SKI: variants seen among roughly 807,000 people sequenced by gnomAD.
The protein encoded by SKI is ski oncogene.
Under a neutral mutation model 59.3 loss-of-function variants are expected in SKI, and 23 were observed. That is an observed-to-expected ratio of 0.39 (90% CI 0.28 to 0.55). The LOEUF is 0.55. Among genes scored for constraint, SKI ranks in the 20% least tolerant of loss-of-function variants. The pLI is 0.67. For synonymous variants in SKI, 673 were observed against 488.6 expected, an observed-to-expected ratio of 1.38 and a Z score of -4.98; for missense variants, 1,017 against 1,038.9, an observed-to-expected ratio of 0.98 and a Z score of 0.29.
chr1:2,261,269 T>C (rs1217351111), intron 1 of SKI, among the ~76,000 whole-genome samples: 1 of 152,238 alleles, frequency 6.6e-6, no homozygotes, highest in African/African-American at 2.4e-5. Context: ...TTCGGGATCT[T>C]CCACTTTTCC....
intron 1 of SKI, among the ~76,000 whole-genome samples, chr1:2,242,568 G>A (rs375174916): frequency 3.3e-5 from 5 of 152,176 alleles, no homozygotes; most frequent in Admixed American, 2.0e-4. Flanking sequence ...CATCTGTGTT[G>A]GAGTGCAGTG....
At position 2,228,990 on chromosome 1, in the gene SKI, A is replaced by C. The variant is rs374862468; in HGVS notation, c.224A>C (p.His75Pro). The C allele has an allele frequency of 6.5e-7, 1 of 1,546,468 alleles. No individual in the cohort carries two copies. The highest frequency in any genetic ancestry group is 2.4e-5 in the East Asian group (1 of 41,250). ...PAATEPPPVL[H>P]LPAIQPPPPV... The stretch of plus-strand genomic sequence containing the variant: ...GCCACCGAGCCGCCGCCCGTGCTGC[A>C]CCTGCCCGCCATCCAGCCGCCGCCG... Residue 75 changes from histidine to proline, a missense_variant, in exon 1 of 7, where the codon CAC becomes CCC. His to Pro is a moderately conservative substitution (Grantham distance 77, BLOSUM62 -2). Coordinates refer to ENST00000378536, the MANE Select transcript of SKI (RefSeq NM_003036.4).
intron 1 of SKI, among the ~76,000 whole-genome samples, chr1:2,253,321 C>T (rs960068389): frequency 6.6e-6 from 1 of 152,198 alleles, no homozygotes; most frequent in African/African-American, 2.4e-5. Context: ...GCACCCAGGC[C>T]GGTATCACGG....
rs1477054979 is a variant in SKI, at chr1:2,270,142, A to G, written c.970-32836A>G. 2.0e-5 allele frequency among the ~76,000 whole-genome samples: 3 copies of G among 152,144 alleles called. No homozygotes were observed. Among genetic ancestry groups the G allele is most frequent in the African/African-American group, 7.2e-5 (3 of 41,426 alleles). On this transcript the variant is annotated intron_variant, in intron 1 of 6. Coordinates refer to ENST00000378536, the MANE Select transcript of SKI (RefSeq NM_003036.4). The surrounding 1 kb of genome is among the most constrained non-coding windows in gnomAD (Gnocchi z 4.1). The stretch of plus-strand genomic sequence containing the variant: ...GCCCTGGTCATTGTCCCCTACAGCC[A>G]GGCAGTAAAGTGTGGCCAGCACCTT...
chr1:2,258,209 C>CA (rs747329644), intron 1 of SKI, among the ~76,000 whole-genome samples: 6 of 152,132 alleles, frequency 3.9e-5, no homozygotes, highest in Non-Finnish European at 7.3e-5. Context: ...TATCTAGTGA[C>CA]AATGTGTGTG....
At chr1:2,277,958 C>T (rs1034740147) in intron 1 of SKI, among the ~76,000 whole-genome samples, 21 of 152,168 alleles carry the variant, frequency 1.4e-4, no homozygotes, top group African/African-American at 4.8e-4. Context: ...CCCGTGGACA[C>T]GTGCACGCAC....
intron 5 of SKI, 129 bp downstream of exon 5, chr1:2,304,714 T>G: frequency 7.1e-7 from 1 of 1,403,722 alleles, no homozygotes; most frequent in Non-Finnish European, 9.4e-7. Flanking sequence ...TGCCTCCACC[T>G]CAGTGGGCCT....
chr1:2,258,755 G>A (rs1226089478), intron 1 of SKI, among the ~76,000 whole-genome samples: 1 of 152,008 alleles, frequency 6.6e-6, no homozygotes, highest in Non-Finnish European at 1.5e-5. Context: ...GGGTTTGTTG[G>A]TCAGGCTGAT....
chr1:2,283,213 G>A (rs1639950335), intron 1 of SKI, among the ~76,000 whole-genome samples: 1 of 152,244 alleles, frequency 6.6e-6, no homozygotes, highest in African/African-American at 2.4e-5. Context: ...CCTCCTATGG[G>A]TGAGGCTGTC....
At chr1:2,293,098 C>A (rs1640199805) in intron 1 of SKI, among the ~76,000 whole-genome samples, 1 of 152,192 alleles carries the variant, frequency 6.6e-6, no homozygotes, top group Non-Finnish European at 1.5e-5. Context: ...TAAACCTGAA[C>A]CTGAAGTCCC....
At position 2,259,113 on chromosome 1, in the gene SKI, C is replaced by G. The variant is rs1639330743; in HGVS notation, c.969+29378C>G. Among the ~76,000 whole-genome samples the G allele has an allele frequency of 2.6e-5, 4 of 152,308 alleles. No homozygotes were observed. In the South Asian group the frequency reaches 8.3e-4, roughly 32 times the overall value. On this transcript the variant is annotated intron_variant, in intron 1 of 6. Transcript: ENST00000378536. Reference sequence around the variant, plus strand: ...GAGAATGTGCATCTCTAGCAAGTTCCCAGATGACATGGTGGCTCCTCCGGA... The same window carrying G: ...GAGAATGTGCATCTCTAGCAAGTTCGCAGATGACATGGTGGCTCCTCCGGA...
chr1:2,249,798 G>A (rs1437568459), intron 1 of SKI, among the ~76,000 whole-genome samples: 1 of 152,230 alleles, frequency 6.6e-6, no homozygotes, highest in Admixed American at 6.5e-5. Context: ...GACCCAGGTT[G>A]TTGAACTGGA....
At chr1:2,249,783 A>G (rs972211452) in intron 1 of SKI, among the ~76,000 whole-genome samples, 3 of 152,216 alleles carry the variant, frequency 2.0e-5, no homozygotes, top group Admixed American at 6.5e-5. Flanking sequence ...GGATTCGTCA[A>G]TTATGACCCA....
chr1:2,296,318 C>T (rs1427115505), intron 1 of SKI, among the ~76,000 whole-genome samples: 2 of 152,106 alleles, frequency 1.3e-5, no homozygotes, highest in Admixed American at 6.5e-5. Context: ...TTGCTTGAGC[C>T]CTGGGTGGTT....
At chr1:2,283,217 G>C (rs894428998) in intron 1 of SKI, among the ~76,000 whole-genome samples, 1 of 152,250 alleles carries the variant, frequency 6.6e-6, no homozygotes, top group Non-Finnish European at 1.5e-5. Context: ...CTATGGGTGA[G>C]GCTGTCTGCT....
intron 1 of SKI, among the ~76,000 whole-genome samples, chr1:2,294,786 C>G (rs765956917): frequency 6.6e-6 from 1 of 152,228 alleles, no homozygotes; most frequent in African/African-American, 2.4e-5. Context: ...CTCAGGCCCC[C>G]GTCTGCCAGT....
chr1:2,277,283 G>A (rs754811536), intron 1 of SKI, among the ~76,000 whole-genome samples: 1 of 152,088 alleles, frequency 6.6e-6, no homozygotes, highest in Admixed American at 6.6e-5. Context: ...TAGTAGAGAC[G>A]GTGATATGGT....
Position 2,306,193 on chromosome 1 carries a change from C to T in SKI, c.1941C>T (p.Ala647=), listed in dbSNP as rs1214672350. The T allele has an allele frequency of 6.3e-7, 1 of 1,583,930 alleles. No homozygotes were observed. Among genetic ancestry groups the T allele is most frequent in the Admixed American group, 1.8e-5 (1 of 55,084 alleles). The change falls in exon 6 of 7, where the codon GCC becomes GCT. Residue 647 remains alanine (A), a synonymous_variant. Coordinates refer to ENST00000378536, the MANE Select transcript of SKI (RefSeq NM_003036.4). The stretch of plus-strand genomic sequence containing the variant: ...GGGAGCTGGAGCAGGCGCGGCAGGC[C>T]CGGGTGTGCGACAAGGGCTGCGAGG... The part of the protein sequence containing the change: ...LKRELEQARQ[A]RVCDKGCEAG...
intron 1 of SKI, among the ~76,000 whole-genome samples, chr1:2,276,585 A>G (rs182005698): frequency 4.6e-5 from 7 of 152,342 alleles, no homozygotes; most frequent in Admixed American, 2.0e-4. Flanking sequence ...TTGTGCATGG[A>G]TGGTGAGAAA....
Sources: allele counts gnomAD v4.1 joint callset (sites outside exome capture counted in the v4.1 genomes callset), GRCh38; gene constraint gnomAD v4.1.1; non-coding constraint Gnocchi (gnomAD v3.1); transcripts MANE v1.5; gene names NCBI Gene and HGNC (gene_info 2026-07-23, HGNC 2026-07-21).